The following MYO3A variants were observed in gnomAD, a reference collection of about 807,000 sequenced individuals.
The protein encoded by MYO3A is myosin IIIA, also known as myosin-IIIa.
MYO3A carries 180 observed loss-of-function variants against 192.7 expected under a neutral mutation model. The observed-to-expected ratio is 0.93, with a 90% CI of 0.83 to 1.06. The LOEUF (loss-of-function observed/expected upper bound fraction) is 1.06. MYO3A is among the 50% of genes least tolerant of loss of function. MYO3A has a pLI of 0.00. For synonymous variants in MYO3A, 628 were observed against 645.3 expected, an observed-to-expected ratio of 0.97 and a Z score of 0.41; for missense variants, 1,896 against 1,905.0, an observed-to-expected ratio of 1.00 and a Z score of 0.09.
intron 17 of MYO3A, among the ~76,000 whole-genome samples, chr10:26,098,065 C>T (rs530612990): frequency 6.6e-6 from 1 of 152,310 alleles, no homozygotes; most frequent in South Asian, 2.1e-4. Flanking sequence ...TCTCCACATC[C>T]TCTCCAGCAC....
intron 7 of MYO3A, among the ~76,000 whole-genome samples, chr10:26,019,520 G>A (rs1335096337): frequency 1.3e-5 from 2 of 152,168 alleles, no homozygotes; most frequent in African/African-American, 4.8e-5. Context: ...GTTTCACCAT[G>A]TTAGCCAGGA....
At chr10:26,166,764 C>G (rs984210816) in intron 27 of MYO3A, among the ~76,000 whole-genome samples, 5 of 152,094 alleles carry the variant, frequency 3.3e-5, no homozygotes, top group Non-Finnish European at 7.4e-5. Flanking sequence ...ATTCTCAGAC[C>G]TGCTTCTATC....
chr10:26,173,561 T>G, intron 29 of MYO3A, 102 bp from the exon 30 acceptor site: 1 of 1,075,304 alleles, frequency 9.3e-7, no homozygotes, highest in Non-Finnish European at 1.4e-6. Flanking sequence ...TCTTTGTTCC[T>G]TTTGCCTTTC....
At chr10:25,974,503 G>A (rs1022842176) in intron 4 of MYO3A, among the ~76,000 whole-genome samples, 10 of 152,090 alleles carry the variant, frequency 6.6e-5, no homozygotes, top group Admixed American at 5.2e-4. Flanking sequence ...TTGTTCTTAT[G>A]ACCTGCCTCT....
intron 17 of MYO3A, among the ~76,000 whole-genome samples, chr10:26,105,070 A>C (rs568808958): frequency 1.3e-5 from 2 of 152,212 alleles, no homozygotes; most frequent in African/African-American, 4.8e-5. Context: ...AGGTAGTATA[A>C]TGTTCCACAG....
At chr10:26,063,469 A>G (rs1588885928) in intron 10 of MYO3A, among the ~76,000 whole-genome samples, 2 of 152,186 alleles carry the variant, frequency 1.3e-5, no homozygotes, top group Non-Finnish European at 1.5e-5. Context: ...TTGAGTTAAT[A>G]TTTGTAAAAG....
At chr10:26,071,208 A>G (rs113093823) in intron 14 of MYO3A, among the ~76,000 whole-genome samples, 3,427 of 152,308 alleles carry the variant, frequency 0.023, 62 homozygotes, top group Non-Finnish European at 0.037. Context: ...TGACATACAG[A>G]TTGACTGAAC....
chr10:25,940,609 G>A (rs1836427620), intron 2 of MYO3A, among the ~76,000 whole-genome samples: 1 of 151,980 alleles, frequency 6.6e-6, no homozygotes, highest in African/African-American at 2.4e-5. Context: ...TCCTTTAGAA[G>A]TGCTCTTTCT....
chr10:26,143,338 G>C, intron 20 of MYO3A, 110 bp from the exon 21 acceptor site: 1 of 1,172,830 alleles, frequency 8.5e-7, no homozygotes, highest in South Asian at 1.3e-5. Flanking sequence ...CACAAAAAAA[G>C]CAAGGTCAAA....
In MYO3A at chr10:26,166,112, C is replaced by G. The variant is rs199885795; in HGVS notation, c.3045C>G (p.Ser1015Arg). 8 of 1,613,980 alleles carry G rather than the reference C, an allele frequency of 5.0e-6. No homozygotes were observed. Among genetic ancestry groups the G allele is most frequent in the Non-Finnish European group, 5.9e-6 (7 of 1,180,038 alleles). Reference sequence around the variant, plus strand: ...AGTCGAGCGAGGAGCCCCGCATGAGCCCTGACACCTGTGCCACCATTTTGG... The same window carrying G: ...AGTCGAGCGAGGAGCCCCGCATGAGGCCTGACACCTGTGCCACCATTTTGG... ...CYKSSEEPRM[S>R]PDTCATILEK... Residue 1015 changes from serine to arginine, a missense_variant, in exon 27 of 35, where the codon AGC (serine) becomes AGG (arginine). Transcript: ENST00000642920.
chr10:26,152,036 A>G (rs1840820678), intron 23 of MYO3A, among the ~76,000 whole-genome samples: 1 of 152,238 alleles, frequency 6.6e-6, no homozygotes, highest in Non-Finnish European at 1.5e-5. Context: ...CACCAACAGC[A>G]TCTATCCATC....
intron 10 of MYO3A, among the ~76,000 whole-genome samples, chr10:26,057,920 C>T (rs1382367124): frequency 6.6e-6 from 1 of 151,770 alleles, no homozygotes. Context: ...GCACAGCCTT[C>T]TCCACTGTCA....
At position 26,211,861 on chromosome 10, in the gene MYO3A, C is replaced by G; in HGVS notation, c.4749C>G (p.Ser1583Arg). ...KANERCWAAESPEKEEEREPA... is the reference protein window; with the variant it reads ...KANERCWAAERPEKEEEREPA... ...CTTGCAGGTGCTGGGCGGCGGAGAG[C>G]CCCGAGAAGGAGGAGGAGAGAGAGC... is the stretch of plus-strand genomic sequence containing the variant. Residue 1583 changes from serine to arginine, a missense_variant, in exon 35 of 35, where the codon AGC becomes AGG. Transcript: ENST00000642920. The G allele has an allele frequency of 1.9e-6, 3 of 1,614,054 alleles. No individual in the cohort carries two copies. The highest frequency in any genetic ancestry group is 2.5e-6 in the Non-Finnish European group (3 of 1,179,998).
intron 8 of MYO3A, 24 bp downstream of exon 8, chr10:26,021,672 A>T: frequency 6.2e-7 from 1 of 1,613,690 alleles, no homozygotes; most frequent in Middle Eastern, 1.7e-4. Context: ...CATTGGGTCC[A>T]GTATCTGCAG....
At chr10:26,004,520 C>G (rs945388906) in intron 6 of MYO3A, among the ~76,000 whole-genome samples, 4 of 151,954 alleles carry the variant, frequency 2.6e-5, no homozygotes, top group Non-Finnish European at 5.9e-5. Context: ...GCTAATTCCA[C>G]TAACAGGGTA....
intron 26 of MYO3A, among the ~76,000 whole-genome samples, chr10:26,161,575 T>G (rs1368001006): frequency 6.6e-6 from 1 of 152,188 alleles, no homozygotes; most frequent in Admixed American, 6.5e-5. Context: ...ACTCTGCCAC[T>G]TACTAAATCT....
chr10:26,122,678 C>G (rs1182572679), intron 18 of MYO3A, among the ~76,000 whole-genome samples: 1 of 152,112 alleles, frequency 6.6e-6, no homozygotes, highest in East Asian at 1.9e-4. Flanking sequence ...CTCTCTCAGT[C>G]TCCCCCTTTC....
chr10:25,969,927 A>G (rs919826680), intron 4 of MYO3A, among the ~76,000 whole-genome samples: 1 of 152,104 alleles, frequency 6.6e-6, no homozygotes, highest in Non-Finnish European at 1.5e-5. Context: ...ATATAAGGCA[A>G]GGTAACTTCC....
chr10:25,977,652 A>T (rs1036879130), intron 4 of MYO3A, among the ~76,000 whole-genome samples: 14 of 152,230 alleles, frequency 9.2e-5, no homozygotes, highest in Admixed American at 5.9e-4. Context: ...TGAATGAATG[A>T]ATAAAACTTG....
Sources: gnomAD v4.1 joint callset for allele counts (sites outside exome capture counted in the v4.1 genomes callset) on GRCh38, gnomAD v4.1.1 for gene constraint, MANE v1.5 for transcripts, NCBI Gene and HGNC (gene_info 2026-07-23, HGNC 2026-07-21) for gene names.